Variants in MRPS14 observed in about 807,000 individuals in gnomAD.
MRPS14 encodes the protein small ribosomal subunit protein uS14m.
A neutral mutation model predicts 16.4 loss-of-function variants in MRPS14; 14 were observed. That is an observed-to-expected ratio of 0.85 (90% CI 0.56 to 1.33). The LOEUF (loss-of-function observed/expected upper bound fraction) is 1.33. Among genes scored for constraint, MRPS14 ranks in the 40% most tolerant of loss-of-function variants. MRPS14 has a pLI of 0.00. For missense variants in MRPS14, 162 were observed against 176.8 expected (o/e 0.92, Z 0.48); for synonymous variants, 54 against 61.9 (o/e 0.87, Z 0.60).
intron 2 of MRPS14, 92 bp downstream of exon 2, chr1:175,018,326 T>C (rs1001834497): frequency 5.0e-6 from 6 of 1,205,886 alleles, no homozygotes; most frequent in East Asian, 2.5e-5. Context: ...AGAAATTATA[T>C]TGATACCAAG....
intron 1 of MRPS14, among the ~76,000 whole-genome samples, chr1:175,020,605 T>C (rs1461327901): frequency 2.0e-5 from 3 of 151,958 alleles, no homozygotes; most frequent in Non-Finnish European, 4.4e-5. Flanking sequence ...GCCTCCCAGG[T>C]TCAAGCGATT....
rs1353432892 is a variant in MRPS14 at position 175,014,787 on chromosome 1, C to G, written c.269G>C (p.Arg90Pro). Residue 90 changes from arginine to proline, a missense_variant, in exon 3 of 3, where the codon CGG becomes CCG. Physicochemically the swap from Arg to Pro is moderately radical, Grantham distance 103. Transcript: ENST00000476371. ...ACGCGGACGGGACGTCATAACACAC[C>G]GATTTCTGATTCTAACAGGACAGCT... ...RDSCPVRIRN[R>P]CVMTSRPRGV... 2 of 1,614,126 alleles carry G rather than the reference C, an allele frequency of 1.2e-6. No homozygotes were observed. Among genetic ancestry groups the G allele is most frequent in the Non-Finnish European group, 8.5e-7 (1 of 1,180,036 alleles).
At chr1:175,014,921 G>A in intron 2 of MRPS14, 70 bp from the exon 3 acceptor site, 1 of 1,379,756 alleles carries the variant, frequency 7.2e-7, no homozygotes, top group Admixed American at 2.3e-5. Flanking sequence ...CTTCTCACTT[G>A]CAGGTAATTT....
At position 175,014,620 on chromosome 1, in the gene MRPS14, G is replaced by A. The variant is rs368671197; in HGVS notation, c.*49C>T. 2.9e-4 allele frequency: 442 copies of A among 1,547,294 alleles called. 3 individuals carry two copies. In the South Asian group the frequency reaches 3.9e-3, roughly 13 times the overall value. On this transcript the variant is annotated 3_prime_UTR_variant, in exon 3 of 3. Coordinates refer to ENST00000476371, the MANE Select transcript of MRPS14 (RefSeq NM_022100.3). ...TATTAAAAAAAATCTTTGCTTGCTG[G>A]AACTGCAAGCTTGGCTTCCCTGCAA... is the stretch of plus-strand genomic sequence containing the variant.
intron 1 of MRPS14, among the ~76,000 whole-genome samples, chr1:175,019,581 C>T (rs993674407): frequency 2.0e-5 from 3 of 152,312 alleles, no homozygotes; most frequent in East Asian, 1.9e-4. Flanking sequence ...TAGGCATGAG[C>T]CACTGTGCCT....
In MRPS14 at chr1:175,013,281, T is replaced by C. The variant is rs1013363901; in HGVS notation, c.*1388A>G. On this transcript the variant is annotated 3_prime_UTR_variant, in exon 3 of 3. Coordinates refer to ENST00000476371, the MANE Select transcript of MRPS14 (RefSeq NM_022100.3). The stretch of plus-strand genomic sequence containing the variant: ...TGACACAGGCATCTCCAACACCGCA[T>C]GACTGGAACCTGAACTCGCTTATCT... 1 of 152,234 alleles carries C rather than the reference T, an allele frequency of 6.6e-6. No individual in the cohort carries two copies. Among genetic ancestry groups the C allele is most frequent in the African/African-American group, 2.4e-5 (1 of 41,468 alleles). The allele number at this position is 152,234 out of a possible 1,614,324, so 9.4% of individuals were successfully genotyped here. A position where few individuals can be genotyped will look rare whatever the true frequency, so the allele number is the denominator to read the frequency against.
rs762578265 is a variant in MRPS14 at position 175,018,585 on chromosome 1, C to CAGAGACA, written c.46-16_46-10dup. 1.3e-6 allele frequency: 2 copies of CAGAGACA among 1,586,310 alleles called. No individual in the cohort carries two copies. The highest frequency in any genetic ancestry group is 3.7e-5 in the Admixed American group (2 of 53,488). ...GCTGATGAAGGAACCATCTGAAAGA[C>CAGAGACA]AGAGACAAGGGACAAGTGAAGGATA... is the stretch of plus-strand genomic sequence containing the variant. On this transcript the variant is annotated splice_polypyrimidine_tract_variant and intron_variant, in intron 1 of 2. Transcript: ENST00000476371.
At chr1:175,018,841 TTTA>T (rs1200212171) in intron 1 of MRPS14, among the ~76,000 whole-genome samples, 1 of 152,168 alleles carries the variant, frequency 6.6e-6, no homozygotes, top group African/African-American at 2.4e-5. Flanking sequence ...TTCAGAAATT[TTTA>T]TTATTCTGTT....
intron 2 of MRPS14, 130 bp downstream of exon 2, chr1:175,018,288 G>A: frequency 1.1e-6 from 1 of 903,970 alleles, no homozygotes. Context: ...AAGACTATTT[G>A]TTTATATTGA....
intron 1 of MRPS14, 33 bp from the exon 2 acceptor site, chr1:175,018,609 T>C (rs748732036): frequency 2.6e-6 from 4 of 1,549,166 alleles, no homozygotes; most frequent in South Asian, 2.5e-5. Flanking sequence ...AAGTGAAGGA[T>C]AGCCAGGACA....
At chr1:175,017,088 T>C (rs1460122442) in intron 2 of MRPS14, among the ~76,000 whole-genome samples, 1 of 151,852 alleles carries the variant, frequency 6.6e-6, no homozygotes. Context: ...ACAGTCTTGC[T>C]CTGTCACCTA....
rs144304311 is a variant in MRPS14 at position 175,020,970 on chromosome 1, T to C, written c.45+2394A>G. Among the ~76,000 whole-genome samples, 321 of 152,270 alleles carry C rather than the reference T, an allele frequency of 2.1e-3. 9 individuals are homozygous for C. In the East Asian group the frequency reaches 0.059, roughly 28 times the overall value. On this transcript the variant is annotated intron_variant, in intron 1 of 2. Coordinates refer to ENST00000476371, the MANE Select transcript of MRPS14 (RefSeq NM_022100.3). ...CTTTCCACTGGGCCCTCTCAATCCA[T>C]GGTCTATCATCAAAATCTTTTAAAT...
intron 2 of MRPS14, 94 bp from the exon 3 acceptor site, chr1:175,014,945 T>TC (rs2149414119): frequency 1.5e-6 from 2 of 1,324,844 alleles, no homozygotes; most frequent in East Asian, 4.8e-5. Context: ...TTTCTTTTTT[T>TC]TTTTTTTTTG....
chr1:175,016,815 G>C (rs988825474), intron 2 of MRPS14, among the ~76,000 whole-genome samples: 21 of 152,152 alleles, frequency 1.4e-4, no homozygotes, highest in Admixed American at 1.2e-3. Context: ...GAACACTTCA[G>C]ATCTACTCTC....
rs951615554 is a variant in MRPS14 at position 175,016,902 on chromosome 1, C to A, written c.204+1516G>T. Among the ~76,000 whole-genome samples the A allele has an allele frequency of 8.5e-5, 13 of 152,110 alleles. 1 individual carries two copies. Among genetic ancestry groups the A allele is most frequent in the Admixed American group, 8.5e-4 (13 of 15,260 alleles). On this transcript the variant is annotated intron_variant, in intron 2 of 2. Coordinates refer to ENST00000476371, the MANE Select transcript of MRPS14 (RefSeq NM_022100.3). ...GTGCGTTAGCTCCACAGAATTTATT[C>A]ATCTTACAACAGGAAGTATACCCTT...
In MRPS14 at chr1:175,014,859, A is replaced by AAATCACATT; in HGVS notation, c.205-17_205-9dup. The AAATCACATT allele has an allele frequency of 3.1e-6, 5 of 1,613,444 alleles. No individual in the cohort carries two copies. The highest frequency in any genetic ancestry group is 1.3e-5 in the African/African-American group (1 of 74,946). On this transcript the variant is annotated splice_polypyrimidine_tract_variant and intron_variant, in intron 2 of 2. Coordinates refer to ENST00000476371, the MANE Select transcript of MRPS14 (RefSeq NM_022100.3). ...TTCTTCATCAGCCACATCCTAAGGG[A>AAATCACATT]AATCACATTATTACACAGATCACAT...
chr1:175,019,497 T>C (rs1672940604), intron 1 of MRPS14, among the ~76,000 whole-genome samples: 1 of 152,070 alleles, frequency 6.6e-6, no homozygotes, highest in African/African-American at 2.4e-5. Flanking sequence ...GGTTTCACCA[T>C]GTTGGCCACG....
At position 175,014,000 on chromosome 1, in the gene MRPS14, T is replaced by C. The variant is rs1350756711; in HGVS notation, c.*669A>G. 1.3e-5 allele frequency: 2 copies of C among 152,288 alleles called. No individual in the cohort carries two copies. Among genetic ancestry groups the C allele is most frequent in the Non-Finnish European group, 1.5e-5 (1 of 68,074 alleles). The allele number at this position is 152,288 out of a possible 1,614,324, so 9.4% of individuals were successfully genotyped here. ...GTGCTACCCTTACTCATTTCTGTTA[T>C]GGATTAAATAAACATAAAAATAGGG... is the stretch of plus-strand genomic sequence containing the variant. On this transcript the variant is annotated 3_prime_UTR_variant, in exon 3 of 3. Transcript: ENST00000476371.
intron 1 of MRPS14, 40 bp from the exon 2 acceptor site, chr1:175,018,616 G>A (rs1268916758): frequency 1.3e-6 from 2 of 1,533,218 alleles, no homozygotes; most frequent in Admixed American, 2.2e-5. Context: ...GGATAGCCAG[G>A]ACAACATTCT....
Sources: gnomAD v4.1 joint callset for allele counts (sites outside exome capture counted in the v4.1 genomes callset) on GRCh38, gnomAD v4.1.1 for gene constraint, MANE v1.5 for transcripts, NCBI Gene and HGNC (gene_info 2026-07-23, HGNC 2026-07-21) for gene names.